Variants in NOTCH1 observed in about 807,000 individuals in gnomAD.
NOTCH1 encodes the protein neurogenic locus notch homolog protein 1.
NOTCH1 carries 37 observed loss-of-function variants against 254.8 expected under a neutral mutation model. That is an observed-to-expected ratio of 0.15 (90% CI 0.11 to 0.19). The LOEUF is 0.19. Among genes scored for constraint, NOTCH1 ranks in the 10% least tolerant of loss-of-function variants. NOTCH1 has a pLI of 1.00. For missense variants in NOTCH1, 2,972 were observed against 3,708.6 expected, an observed-to-expected ratio of 0.80 and a Z score of 5.16; for synonymous variants, 1,731 against 1,618.1, an observed-to-expected ratio of 1.07 and a Z score of -1.68.
chr9:136,519,393 G>T lies in NOTCH1; in HGVS notation c.865+50C>A, dbSNP rs754087806. 14 of 1,608,414 alleles carry T rather than the reference G, an allele frequency of 8.7e-6. No individual in the cohort carries two copies. The Admixed American group carries it at 1.8e-4, about 21-fold the overall frequency. On this transcript the variant is annotated intron_variant, in intron 5 of 33. Transcript: ENST00000651671. ...CCTGTGAGTGCAGTTTAGTAAGTGG[G>T]TAGCAGCCCCGCCCCGGCTACCCCG...
In NOTCH1 at chr9:136,496,694, G is replaced by C. The variant is rs1390427898; in HGVS notation, c.7045C>G (p.Pro2349Ala). Residue 2349 changes from proline to alanine, a missense_variant, in exon 34 of 34, where the codon CCG (proline) becomes GCG (alanine). By Grantham distance (27) the Pro-to-Ala change is conservative (BLOSUM62 -1). Around this residue, in one of 8 missense-constraint regions of NOTCH1, gnomAD observed 529 missense variants for 529.2 expected, o/e 1.00. Coordinates refer to ENST00000651671, the MANE Select transcript of NOTCH1 (RefSeq NM_017617.5). Reference protein sequence around the residue: ...APSLQHGMVGPLHSSLAASAL... With the variant: ...APSLQHGMVGALHSSLAASAL... The stretch of plus-strand genomic sequence containing the variant: ...CTGGCAGCAAGGCTACTGTGCAGCG[G>C]GCCTACCATGCCATGCTGCAGGGAG... 1 of 1,612,866 alleles carries C rather than the reference G, an allele frequency of 6.2e-7. No homozygotes were observed. Among genetic ancestry groups the C allele is most frequent in the Non-Finnish European group, 8.5e-7 (1 of 1,179,964 alleles).
intron 1 of NOTCH1, 87 bp from the exon 2 acceptor site, chr9:136,544,189 C>T (rs1332678735): frequency 7.9e-7 from 1 of 1,268,184 alleles, no homozygotes; most frequent in Admixed American, 2.0e-5. Context: ...GGGACCTGCA[C>T]CCAGCCAAGG....
chr9:136,533,988 C>A (rs780090552), intron 2 of NOTCH1, among the ~76,000 whole-genome samples: 20 of 152,240 alleles, frequency 1.3e-4, no homozygotes, highest in Non-Finnish European at 2.5e-4. Flanking sequence ...CGCTGGGTAA[C>A]CCCACTACGG....
In NOTCH1 at chr9:136,502,421, C is replaced by T. The variant is rs1843012588; in HGVS notation, c.5235G>A (p.Val1745=). Reference sequence around the variant, plus strand: ...CCCCGCAGCCCACGAAGAACAGAAGCACAAAGGCGGCCGCCGCCACGTACA... The same window carrying T: ...CCCCGCAGCCCACGAAGAACAGAAGTACAAAGGCGGCCGCCGCCACGTACA... ...HFMYVAAAAF[V]LLFFVGCGVL... Residue 1745 remains valine (V), a synonymous_variant, in exon 28 of 34, where the codon GTG becomes GTA. Coordinates refer to ENST00000651671, the MANE Select transcript of NOTCH1 (RefSeq NM_017617.5). The T allele has an allele frequency of 1.9e-6, 3 of 1,610,160 alleles. No homozygotes were observed. The highest frequency in any genetic ancestry group is 2.5e-6 in the Non-Finnish European group (3 of 1,179,056).
At chr9:136,534,981 A>AAGTCCCTCCCCACAGAGCCCCCC (rs1843622579) in intron 2 of NOTCH1, among the ~76,000 whole-genome samples, 1 of 4,678 alleles carries the variant, frequency 2.1e-4, no homozygotes, top group African/African-American at 1.1e-3. Flanking sequence ...CAGAGCCCCC[A>AAGTCCCTCCCCACAGAGCCCCCC]AGTCCGTCCC....
chr9:136,518,300 G>C lies in NOTCH1; in HGVS notation c.1100-8C>G. 1 of 1,608,108 alleles carries C rather than the reference G, an allele frequency of 6.2e-7. No individual in the cohort carries two copies. Among genetic ancestry groups the C allele is most frequent in the Non-Finnish European group, 8.5e-7 (1 of 1,178,522 alleles). ...TGAGGTGGCACAGCAGACCTGGGCAGGCAGCGGCGGTCAGTGGGCACGGCC... is the reference window on the plus strand; with the variant it reads ...TGAGGTGGCACAGCAGACCTGGGCACGCAGCGGCGGTCAGTGGGCACGGCC... On this transcript the variant is annotated splice_region_variant and splice_polypyrimidine_tract_variant and intron_variant, in intron 6 of 33. Transcript: ENST00000651671.
Position 136,494,449 on chromosome 9 carries a change from A to G in NOTCH1, c.*1622T>C. On this transcript the variant is annotated 3_prime_UTR_variant, in exon 34 of 34. Coordinates refer to ENST00000651671, the MANE Select transcript of NOTCH1 (RefSeq NM_017617.5). ...AGAGGGGAGTGGAAGCCAGATCACC[A>G]TCAGTATCATTTTTATTGCAAATCA... is the stretch of plus-strand genomic sequence containing the variant. The G allele has an allele frequency of 2.5e-6, 1 of 399,024 alleles. No individual in the cohort carries two copies. The highest frequency in any genetic ancestry group is 4.4e-6 in the Non-Finnish European group (1 of 226,070). The allele number at this position is 399,024 out of a possible 1,614,324, so 24.7% of individuals were successfully genotyped here. A position where few individuals can be genotyped will look rare whatever the true frequency, so the allele number is the denominator to read the frequency against.
chr9:136,541,499 G>A (rs1179895597), intron 2 of NOTCH1, among the ~76,000 whole-genome samples: 1 of 152,210 alleles, frequency 6.6e-6, no homozygotes, highest in Non-Finnish European at 1.5e-5. Flanking sequence ...CAGGCTGGCA[G>A]GGCTCCAAGA....
intron 26 of NOTCH1, among the ~76,000 whole-genome samples, chr9:136,503,747 C>T (rs954296978): frequency 2.5e-4 from 38 of 152,200 alleles, no homozygotes; most frequent in Non-Finnish European, 2.9e-5. Flanking sequence ...TGTGGTGAGG[C>T]TGGCTGGGGG....
intron 17 of NOTCH1, 91 bp from the exon 18 acceptor site, chr9:136,510,052 C>T: frequency 3.1e-6 from 4 of 1,293,392 alleles, no homozygotes; most frequent in Non-Finnish European, 4.4e-6. Context: ...TGGGGACAGC[C>T]CAGCCTTTCG....
At chr9:136,522,666 C>T (rs1230855812) in intron 4 of NOTCH1, 184 bp downstream of exon 4, 2 of 618,252 alleles carry the variant, frequency 3.2e-6, no homozygotes, top group Non-Finnish European at 5.5e-6. Flanking sequence ...CCTCCCAGCG[C>T]ACACCCCGCT....
At position 136,518,272 on chromosome 9, in the gene NOTCH1, C is replaced by T. The variant is rs770729642; in HGVS notation, c.1120G>A (p.Asp374Asn). Reference protein sequence around the residue: ...GRTGLLCHLNDACISNPCNEG... With the variant: ...GRTGLLCHLNNACISNPCNEG... ...TTACAGGGGTTGCTGATGCATGCGT[C>T]GTTGAGGTGGCACAGCAGACCTGGG... Residue 374 changes from aspartate (D) to asparagine (N), a missense_variant, in exon 7 of 34, where the codon GAC (aspartate) becomes AAC (asparagine). Physicochemically the swap from Asp to Asn is conservative, Grantham distance 23. Coordinates refer to ENST00000651671, the MANE Select transcript of NOTCH1 (RefSeq NM_017617.5). 17 of 1,610,858 alleles carry T rather than the reference C, an allele frequency of 1.1e-5. No individual in the cohort carries two copies. The African/African-American group carries it at 1.1e-4, about 10-fold the overall frequency.
At position 136,497,439 on chromosome 9, in the gene NOTCH1, G is replaced by A. The variant is rs773483690; in HGVS notation, c.6300C>T (p.Ile2100=). Residue 2100 remains isoleucine, a synonymous_variant, in exon 34 of 34, where the codon ATC becomes ATT. Coordinates refer to ENST00000651671, the MANE Select transcript of NOTCH1 (RefSeq NM_017617.5). The stretch of plus-strand genomic sequence containing the variant: ...TGTCGTGATGCATGCGCTCCTGTGC[G>A]ATGTCGCGCGGCAGGCGGTCCATAT... ...TDHMDRLPRD[I]AQERMHHDIV... The A allele has an allele frequency of 3.0e-5, 48 of 1,612,272 alleles. No homozygotes were observed. The highest frequency in any genetic ancestry group is 5.3e-5 in the African/African-American group (4 of 75,064).
At position 136,545,360 on chromosome 9, in the gene NOTCH1, G is replaced by A. The variant is rs910944302; in HGVS notation, c.61+366C>T. ...GGAGAAGCAACAGGAAACCAAAACC[G>A]ACTCTATTCAAATCGAAAAATAGTA... On this transcript the variant is annotated intron_variant, in intron 1 of 33. Coordinates refer to ENST00000651671, the MANE Select transcript of NOTCH1 (RefSeq NM_017617.5). This position sits in a 1 kb window ranked among gnomAD's most constrained non-coding sequence, Gnocchi z 6.8. 4.6e-5 allele frequency among the ~76,000 whole-genome samples: 7 copies of A among 151,986 alleles called. No homozygotes were observed. The highest frequency in any genetic ancestry group is 8.8e-5 in the Non-Finnish European group (6 of 67,968).
At chr9:136,527,675 C>T (rs891940499) in intron 2 of NOTCH1, among the ~76,000 whole-genome samples, 11 of 152,194 alleles carry the variant, frequency 7.2e-5, no homozygotes, top group African/African-American at 2.4e-4. Context: ...ACCCAACCCA[C>T]GCCAGGTGTG....
At position 136,502,269 on chromosome 9, in the gene NOTCH1, C is replaced by T. The variant is rs1843010026; in HGVS notation, c.5384+3G>A. ...CCCAGAAGCAGGGGCGGCGTCCGCT[C>T]ACTTGAGGCCCACGGAGTCCTCGCC... On this transcript the variant is annotated splice_donor_region_variant and intron_variant, in intron 28 of 33. Transcript: ENST00000651671. The T allele has an allele frequency of 6.2e-7, 1 of 1,611,538 alleles. No homozygotes were observed. Among genetic ancestry groups the T allele is most frequent in the Non-Finnish European group, 8.5e-7 (1 of 1,179,466 alleles).
intron 27 of NOTCH1, 149 bp from the exon 28 acceptor site, chr9:136,502,637 T>C: frequency 3.5e-6 from 2 of 578,148 alleles, no homozygotes; most frequent in East Asian, 3.0e-5. Context: ...AAGGTCATTT[T>C]CTACGCGATT....
intron 2 of NOTCH1, 21 bp downstream of exon 2, chr9:136,544,003 T>C: frequency 2.6e-6 from 4 of 1,558,698 alleles, no homozygotes; most frequent in Non-Finnish European, 3.5e-6. Flanking sequence ...AAGCAACAGG[T>C]CCCGCAGGGG....
chr9:136,511,562 C>T lies in NOTCH1; in HGVS notation c.2468-291G>A, dbSNP rs531434549. 3.9e-5 allele frequency among the ~76,000 whole-genome samples: 6 copies of T among 152,336 alleles called. No individual in the cohort carries two copies. The East Asian group carries it at 5.8e-4, about 15-fold the overall frequency. On this transcript the variant is annotated intron_variant, in intron 15 of 33. Coordinates refer to ENST00000651671, the MANE Select transcript of NOTCH1 (RefSeq NM_017617.5). The stretch of plus-strand genomic sequence containing the variant: ...ACAGCCTAGGCCTCACCCCACCAGG[C>T]GTGCCCAGGAACAAGGACTGCACCA...
Sources: allele counts gnomAD v4.1 joint callset (sites outside exome capture counted in the v4.1 genomes callset), GRCh38; gene constraint gnomAD v4.1.1; regional missense constraint gnomAD v4.1.1; non-coding constraint Gnocchi (gnomAD v3.1); transcripts MANE v1.5; gene names NCBI Gene and HGNC (gene_info 2026-07-23, HGNC 2026-07-21).